The following IFNGR1 variants were observed in gnomAD, a reference collection of about 807,000 sequenced individuals.
The protein encoded by IFNGR1 is AVP, type 2.
Under a neutral mutation model 35.4 loss-of-function variants are expected in IFNGR1, and 23 were observed. The observed-to-expected ratio is 0.65, with a 90% CI of 0.47 to 0.92. IFNGR1 has a LOEUF of 0.92. IFNGR1 is among the 40% of genes least tolerant of loss of function. The pLI, the probability that IFNGR1 is intolerant of heterozygous loss-of-function variation, is 0.00. For synonymous variants in IFNGR1, 199 were observed against 209.5 expected (o/e 0.95, Z 0.43); for missense variants, 533 against 583.4 (o/e 0.91, Z 0.89).
At chr6:137,208,189 T>C (rs907809630) in intron 1 of IFNGR1, among the ~76,000 whole-genome samples, 8 of 152,240 alleles carry the variant, frequency 5.3e-5, no homozygotes, top group Admixed American at 1.3e-4. Context: ...TGGCATAGCA[T>C]TCAAGAAGTG....
chr6:137,218,147 A>C (rs533348252), intron 1 of IFNGR1, among the ~76,000 whole-genome samples: 3 of 152,346 alleles, frequency 2.0e-5, no homozygotes, highest in East Asian at 3.9e-4. Flanking sequence ...CCTCTCTGCC[A>C]GTTGGGCAGG....
chr6:137,210,099 C>T, intron 1 of IFNGR1: 1 of 365,522 alleles, frequency 2.7e-6, no homozygotes, highest in Non-Finnish European at 4.9e-6. Flanking sequence ...ACCTGTAATC[C>T]CAGCATTTTG....
In IFNGR1 at chr6:137,206,956, C is replaced by T. The variant is rs763004493; in HGVS notation, c.200+7G>A. On this transcript the variant is annotated splice_region_variant and intron_variant, in intron 2 of 6. Coordinates refer to ENST00000367739, the MANE Select transcript of IFNGR1 (RefSeq NM_000416.3). ...ATAAAAAGGATAAATAAAAGAGTGA[C>T]ACTCACCCATAGTTCTTTACCTCTA... 6.3e-7 allele frequency: 1 copy of T among 1,579,562 alleles called. No individual in the cohort carries two copies. Among genetic ancestry groups the T allele is most frequent in the Non-Finnish European group, 8.7e-7 (1 of 1,148,714 alleles).
At position 137,207,052 on chromosome 6, in the gene IFNGR1, A is replaced by G. The variant is rs762424077; in HGVS notation, c.111T>C (p.Ile37=). ...CGATAGGGTTCATGTTATAGGATTC[A>G]ATTGTAACATTAGTTGGTGTAGGCA... ...SSVPTPTNVT[I]ESYNMNPIVY... is the part of the protein sequence containing the mutation. Residue 37 remains isoleucine, a synonymous_variant, in exon 2 of 7, where the codon ATT becomes ATC. Coordinates refer to ENST00000367739, the MANE Select transcript of IFNGR1 (RefSeq NM_000416.3). 4.3e-6 allele frequency: 7 copies of G among 1,613,898 alleles called. No individual in the cohort carries two copies. Among genetic ancestry groups the G allele is most frequent in the Non-Finnish European group, 5.9e-6 (7 of 1,179,902 alleles).
intron 1 of IFNGR1, chr6:137,218,515 CACTT>C (rs972562603): frequency 6.2e-6 from 8 of 1,289,028 alleles, no homozygotes; most frequent in African/African-American, 1.5e-5. Context: ...GACGGACTGC[CACTT>C]ACTTCTCAGC....
rs1270127369 is a variant in IFNGR1, at chr6:137,199,525, T to TAAA, written c.862-887_862-886insTTT. 1.7e-3 allele frequency among the ~76,000 whole-genome samples: 159 copies of TAAA among 91,120 alleles called. 1 individual carries two copies. The highest frequency in any genetic ancestry group is 2.7e-3 in the Non-Finnish European group (137 of 51,428). 59.8% of individuals were successfully genotyped at this position (91,120 alleles called of 152,430 possible). ...AATATATAATTTATAATATATTATA[T>TAAA]ATAATATATAATATATATTATATAA... On this transcript the variant is annotated intron_variant, in intron 6 of 6. Transcript: ENST00000367739.
rs3839519 is a variant in IFNGR1, at chr6:137,202,602, T to TACACACACAC, written c.733+887_733+896dup. Among the ~76,000 whole-genome samples, 113 of 142,194 alleles carry TACACACACAC rather than the reference T, an allele frequency of 7.9e-4. 1 individual carries two copies. The highest frequency in any genetic ancestry group is 2.2e-3 in the East Asian group (11 of 4,906). 93.3% of individuals were successfully genotyped at this position (142,194 alleles called of 152,430 possible). A position where few individuals can be genotyped will look rare whatever the true frequency, so the allele number is the denominator to read the frequency against. On this transcript the variant is annotated intron_variant, in intron 5 of 6. Transcript: ENST00000367739. ...AATCCTAAGGAAAAAAATATATGTA[T>TACACACACAC]ACACACACACACACACACACACACA...
intron 4 of IFNGR1, 35 bp from the exon 5 acceptor site, chr6:137,203,720 C>T: frequency 6.6e-7 from 1 of 1,523,608 alleles, no homozygotes; most frequent in Non-Finnish European, 9.0e-7. Flanking sequence ...AAATGCACAG[C>T]TTCTTTTAAT....
intron 1 of IFNGR1, among the ~76,000 whole-genome samples, chr6:137,210,560 G>T (rs1188321020): frequency 6.6e-6 from 1 of 152,168 alleles, no homozygotes; most frequent in Admixed American, 6.5e-5. Flanking sequence ...AGGAACAGTG[G>T]CTTCCAAACA....
chr6:137,210,631 C>A lies in IFNGR1; in HGVS notation c.86-3554G>T, dbSNP rs149646851. Among the ~76,000 whole-genome samples the A allele has an allele frequency of 2.1e-3, 325 of 152,182 alleles. 2 individuals are homozygous for A. Among genetic ancestry groups the A allele is most frequent in the African/African-American group, 6.9e-3 (286 of 41,508 alleles). On this transcript the variant is annotated intron_variant, in intron 1 of 6. Transcript: ENST00000367739. ...CAGAAGTTTCTATTTTTCCAAAGTG[C>A]CTTGGATGATAATGATGATGATTTA...
intron 6 of IFNGR1, among the ~76,000 whole-genome samples, chr6:137,199,864 C>G (rs1779235564): frequency 6.6e-6 from 1 of 151,356 alleles, no homozygotes; most frequent in Non-Finnish European, 1.5e-5. Flanking sequence ...TGTTAAATAT[C>G]CTGTACATCT....
chr6:137,201,143 A>G, intron 5 of IFNGR1, 135 bp from the exon 6 acceptor site: 1 of 904,136 alleles, frequency 1.1e-6, no homozygotes, highest in Non-Finnish European at 1.7e-6. Context: ...CACTGAAGGA[A>G]GCAGAAGTTA....
intron 1 of IFNGR1, among the ~76,000 whole-genome samples, chr6:137,214,845 T>A (rs1049553652): frequency 6.6e-6 from 1 of 152,230 alleles, no homozygotes; most frequent in Non-Finnish European, 1.5e-5. Flanking sequence ...AACCAAACTT[T>A]TTTGTCTGTT....
chr6:137,217,031 G>C (rs147081058), intron 1 of IFNGR1, among the ~76,000 whole-genome samples: 203 of 152,276 alleles, frequency 1.3e-3, no homozygotes, highest in African/African-American at 3.9e-3. Flanking sequence ...GCACTCATAG[G>C]GCCCCGTATT....
rs1236764243 is a variant in IFNGR1 at position 137,197,737 on chromosome 6, G to A, written c.*294C>T. ...TACAAAGGTCCCTGGGGCATCACCT[G>A]CTCACCTAGGAACCAGGAGTACTGG... On this transcript the variant is annotated 3_prime_UTR_variant, in exon 7 of 7. Transcript: ENST00000367739. 9.2e-6 allele frequency: 3 copies of A among 325,452 alleles called. No individual in the cohort carries two copies. Among genetic ancestry groups the A allele is most frequent in the Non-Finnish European group, 1.2e-5 (2 of 172,452 alleles). 20.2% of individuals were successfully genotyped at this position (325,452 alleles called of 1,614,324 possible). A position where few individuals can be genotyped will look rare whatever the true frequency, so the allele number is the denominator to read the frequency against.
At chr6:137,204,668 C>T (rs947970506) in intron 3 of IFNGR1, among the ~76,000 whole-genome samples, 164 bp from the exon 4 acceptor site, 2 of 151,952 alleles carry the variant, frequency 1.3e-5, no homozygotes, top group East Asian at 1.9e-4. Context: ...AAGATAGTCT[C>T]GGGGTCCTTA....
chr6:137,206,729 A>T (rs964957734), intron 2 of IFNGR1: 17 of 537,508 alleles, frequency 3.2e-5, no homozygotes, highest in Non-Finnish European at 5.6e-5. Flanking sequence ...TTTATTTGTC[A>T]TGCTAATCTC....
At chr6:137,218,428 C>G in intron 1 of IFNGR1, 1 of 1,179,470 alleles carries the variant, frequency 8.5e-7, no homozygotes. Context: ...CTCCGAAGAA[C>G]AAACCCGTAC....
rs767986453 is a variant in IFNGR1, at chr6:137,198,067, A to G, written c.1434T>C (p.Gly478=). The change falls in exon 7 of 7, where the codon GGT becomes GGC. Residue 478 remains glycine (G), a synonymous_variant. Transcript: ENST00000367739. The stretch of plus-strand genomic sequence containing the variant: ...CTTTGGAATCTTCTGTTGGTCTATA[A>G]CCAATCAAGGACTCTTTACCGCTAT... ...VDDSGKESLI[G]YRPTEDSKEF... is the part of the protein sequence containing the mutation. The G allele has an allele frequency of 4.3e-6, 7 of 1,614,038 alleles. No homozygotes were observed. In the East Asian group the frequency reaches 1.6e-4, roughly 36 times the overall value.
Sources: allele counts gnomAD v4.1 joint callset (sites outside exome capture counted in the v4.1 genomes callset), GRCh38; gene constraint gnomAD v4.1.1; transcripts MANE v1.5; gene names NCBI Gene and HGNC (gene_info 2026-07-23, HGNC 2026-07-21).